Variants in DOCK3 observed in about 807,000 individuals in gnomAD.
DOCK3 encodes dedicator of cytokinesis 3, also known as dedicator of cytokinesis protein 3.
In DOCK3, 60 loss-of-function variants were observed where a neutral mutation model predicts 265.6. The observed-to-expected ratio is 0.23, with a 90% CI of 0.18 to 0.28. The LOEUF is 0.28. Ranked by LOEUF, DOCK3 falls within the 10% of genes least tolerant of loss-of-function variation. The probability of loss-of-function intolerance (pLI) is 1.00; values close to 1 mark genes in which losing one functional copy is unlikely to be tolerated. For synonymous variants in DOCK3, 881 were observed against 938.0 expected (o/e 0.94, Z 1.11); for missense variants, 1,981 against 2,594.3 (o/e 0.76, Z 5.14).
intron 51 of DOCK3, among the ~76,000 whole-genome samples, chr3:51,377,648 G>A (rs1353910527): frequency 6.6e-6 from 1 of 152,214 alleles, no homozygotes; most frequent in Non-Finnish European, 1.5e-5. Flanking sequence ...ATGCTACATG[G>A]CAAAGGTCTA....
chr3:50,821,850 A>G (rs1233193596), intron 2 of DOCK3, among the ~76,000 whole-genome samples: 2 of 152,068 alleles, frequency 1.3e-5, no homozygotes, highest in Admixed American at 1.3e-4. Flanking sequence ...TGAGTTTTCT[A>G]TTCTGTTCCA....
At chr3:51,181,107 C>T (rs2087264149) in intron 12 of DOCK3, among the ~76,000 whole-genome samples, 1 of 152,092 alleles carries the variant, frequency 6.6e-6, no homozygotes, top group Non-Finnish European at 1.5e-5. Context: ...TTAAAGTAAA[C>T]ATGTACAAGT....
intron 5 of DOCK3, among the ~76,000 whole-genome samples, chr3:50,956,783 A>C (rs1427007216): frequency 6.6e-6 from 1 of 152,236 alleles, no homozygotes; most frequent in Non-Finnish European, 1.5e-5. Flanking sequence ...TCCTATTAAA[A>C]TGAACAAATT....
chr3:50,981,693 A>C (rs2077695013), intron 5 of DOCK3, among the ~76,000 whole-genome samples: 1 of 152,164 alleles, frequency 6.6e-6, no homozygotes. Context: ...TTCATTGTGT[A>C]ATGACTTTCT....
At chr3:51,305,735 C>G (rs1480356) in intron 27 of DOCK3, among the ~76,000 whole-genome samples, 1 of 137,662 alleles carries the variant, frequency 7.3e-6, no homozygotes, top group Admixed American at 7.9e-5. Context: ...TGTGTGTGCG[C>G]GTGTGTGTGT....
rs566445242 is a variant in DOCK3, at chr3:50,988,230, G to A, written c.315+54153G>A. Among the ~76,000 whole-genome samples the A allele has an allele frequency of 9.2e-5, 14 of 152,200 alleles. No homozygotes were observed. The South Asian group carries it at 1.4e-3, about 16-fold the overall frequency. On this transcript the variant is annotated intron_variant, in intron 5 of 52. Transcript: ENST00000266037. ...AGTCTGAGCTCCCCGGGGACAGAAGGGATCCCCCAGCACTGCACAGCTGCT... is the reference window on the plus strand; with the variant it reads ...AGTCTGAGCTCCCCGGGGACAGAAGAGATCCCCCAGCACTGCACAGCTGCT...
intron 1 of DOCK3, among the ~76,000 whole-genome samples, chr3:50,759,924 C>T (rs940556904): frequency 2.0e-5 from 3 of 150,610 alleles, no homozygotes; most frequent in African/African-American, 7.3e-5. Flanking sequence ...TCAGTTAATT[C>T]CTTATCAGAT....
In DOCK3 at chr3:51,359,410, C is replaced by T. The variant is rs1205450756; in HGVS notation, c.4885-1101C>T. Among the ~76,000 whole-genome samples, 4 of 152,210 alleles carry T rather than the reference C, an allele frequency of 2.6e-5. No individual in the cohort carries two copies. Among genetic ancestry groups the T allele is most frequent in the Non-Finnish European group, 5.9e-5 (4 of 68,034 alleles). On this transcript the variant is annotated intron_variant, in intron 46 of 52. Transcript: ENST00000266037. This position sits in a 1 kb window ranked among gnomAD's most constrained non-coding sequence, Gnocchi z 4.8. Reference sequence around the variant, plus strand: ...CTGTTAGGATTCTCCCATGGTATTTCAAGGTGAAATATGCAGAGAAGCTCT... The same window carrying T: ...CTGTTAGGATTCTCCCATGGTATTTTAAGGTGAAATATGCAGAGAAGCTCT...
At chr3:51,001,565 T>C (rs1268563648) in intron 5 of DOCK3, among the ~76,000 whole-genome samples, 1 of 152,214 alleles carries the variant, frequency 6.6e-6, no homozygotes, top group Non-Finnish European at 1.5e-5. Context: ...TTTCTGTATA[T>C]AGACATCCTG....
At chr3:50,938,599 A>G (rs1235010172) in intron 5 of DOCK3, among the ~76,000 whole-genome samples, 4 of 152,106 alleles carry the variant, frequency 2.6e-5, no homozygotes, top group Non-Finnish European at 4.4e-5. Context: ...ATTAAAAATC[A>G]CTAACAAGAA....
intron 12 of DOCK3, among the ~76,000 whole-genome samples, chr3:51,168,955 CA>C: frequency 6.6e-6 from 1 of 152,100 alleles, no homozygotes; most frequent in Non-Finnish European, 1.5e-5. Flanking sequence ...CAAAAGAAGA[CA>C]TACATGTGGC....
At chr3:50,900,680 A>G (rs1036177159) in intron 4 of DOCK3, 4 of 449,718 alleles carry the variant, frequency 8.9e-6, no homozygotes, top group Non-Finnish European at 1.8e-5. Context: ...CCTTTTTGTT[A>G]ATGTTGATCT....
At chr3:51,020,953 C>G (rs1214185164) in intron 5 of DOCK3, among the ~76,000 whole-genome samples, 1 of 151,764 alleles carries the variant, frequency 6.6e-6, no homozygotes, top group African/African-American at 2.4e-5. Flanking sequence ...GCTATTTGAG[C>G]TCTTTTTTGG....
intron 1 of DOCK3, among the ~76,000 whole-genome samples, chr3:50,738,393 G>T (rs1285282645): frequency 1.3e-5 from 2 of 152,194 alleles, no homozygotes; most frequent in African/African-American, 4.8e-5. Flanking sequence ...GTAGGGCCTG[G>T]CCCGGAGCCT....
At chr3:51,021,715 G>A (rs563069352) in intron 5 of DOCK3, among the ~76,000 whole-genome samples, 23 of 149,656 alleles carry the variant, frequency 1.5e-4, no homozygotes, top group South Asian at 1.3e-3. Context: ...AGGCTGGAGC[G>A]CAATGGTGCG....
chr3:50,732,779 A>G (rs545889615), intron 1 of DOCK3, among the ~76,000 whole-genome samples: 10 of 152,276 alleles, frequency 6.6e-5, no homozygotes, highest in South Asian at 6.2e-4. Context: ...AGCATGCTTT[A>G]TGGTAGTATA....
intron 5 of DOCK3, among the ~76,000 whole-genome samples, chr3:51,053,799 A>T (rs1253285277): frequency 6.6e-6 from 1 of 152,052 alleles, no homozygotes; most frequent in Admixed American, 6.5e-5. Flanking sequence ...TTAAGGTTAC[A>T]TTTCCTTTGT....
intron 40 of DOCK3, among the ~76,000 whole-genome samples, chr3:51,354,651 T>C (rs2086239875): frequency 6.6e-6 from 1 of 152,176 alleles, no homozygotes; most frequent in Non-Finnish European, 1.5e-5. Flanking sequence ...TTCTTCTTCT[T>C]CCAAGCTTCT....
chr3:50,894,095 G>A (rs139580039), intron 4 of DOCK3, among the ~76,000 whole-genome samples: 74 of 151,910 alleles, frequency 4.9e-4, no homozygotes, highest in African/African-American at 1.7e-3. Context: ...AAACCGGCAC[G>A]TTGTGCACAT....
Sources: allele counts gnomAD v4.1 joint callset (sites outside exome capture counted in the v4.1 genomes callset), GRCh38; gene constraint gnomAD v4.1.1; non-coding constraint Gnocchi (gnomAD v3.1); transcripts MANE v1.5; gene names NCBI Gene and HGNC (gene_info 2026-07-23, HGNC 2026-07-21).